JAK2: variants seen among roughly 807,000 people sequenced by gnomAD.
The protein encoded by JAK2 is Janus kinase 2, also known as tyrosine-protein kinase JAK2.
In JAK2, 86 loss-of-function variants were observed where a neutral mutation model predicts 139.3. That is an observed-to-expected ratio of 0.62 (90% CI 0.52 to 0.74). The LOEUF (loss-of-function observed/expected upper bound fraction) is 0.74. Ranked by LOEUF, JAK2 falls within the 30% of genes least tolerant of loss-of-function variation. The pLI is 0.00. For missense variants in JAK2, 1,421 were observed against 1,360.3 expected (o/e 1.04, Z -0.70); for synonymous variants, 490 against 437.7 (o/e 1.12, Z -1.49).
chr9:5,038,291 C>T (rs928683892), intron 4 of JAK2, among the ~76,000 whole-genome samples: 1 of 152,014 alleles, frequency 6.6e-6, no homozygotes, highest in Admixed American at 6.6e-5. Context: ...ATAAAGAAAT[C>T]AAATTAGCAA....
At chr9:5,114,273 C>T in intron 22 of JAK2, 1 of 544,844 alleles carries the variant, frequency 1.8e-6, no homozygotes, top group South Asian at 1.6e-5. Flanking sequence ...GGACCTGGCA[C>T]CCAGCAAGGA....
At position 5,107,624 on chromosome 9, in the gene JAK2, C is replaced by A. The variant is rs190310734; in HGVS notation, c.3060-15380C>A. ...TTTCGATTCATTAGATTATAATAAA[C>A]CATATTTACCAAATGCCCTCTATTT... On this transcript the variant is annotated intron_variant, in intron 22 of 24. Transcript: ENST00000381652. Among the ~76,000 whole-genome samples the A allele has an allele frequency of 4.1e-3, 631 of 152,206 alleles. 5 individuals are homozygous for A. The highest frequency in any genetic ancestry group is 0.015 in the African/African-American group (606 of 41,508).
At chr9:5,082,605 C>T (rs559378405) in intron 19 of JAK2, among the ~76,000 whole-genome samples, 127 of 152,180 alleles carry the variant, frequency 8.3e-4, no homozygotes, top group Non-Finnish European at 1.5e-3. Flanking sequence ...GGCTGGGGGA[C>T]GGTCAGGTCT....
chr9:5,093,456 T>G (rs1175638966), intron 22 of JAK2, among the ~76,000 whole-genome samples: 2 of 152,208 alleles, frequency 1.3e-5, no homozygotes, highest in African/African-American at 4.8e-5. Flanking sequence ...AGGGTTCAGC[T>G]GTCTCTTACG....
At chr9:5,090,424 A>G (rs201526700) in intron 20 of JAK2, 22 bp from the exon 21 acceptor site, 2 of 1,499,466 alleles carry the variant, frequency 1.3e-6, no homozygotes, top group East Asian at 2.3e-5. Context: ...GTAAAACATT[A>G]TTTCCACCTT....
intron 2 of JAK2, among the ~76,000 whole-genome samples, chr9:5,019,059 TG>T (rs1434107068): frequency 6.6e-6 from 1 of 152,204 alleles, no homozygotes; most frequent in Non-Finnish European, 1.5e-5. Flanking sequence ...TTTGTCTTTT[TG>T]GGGATCTCTG....
At chr9:5,020,836 A>G (rs1822372677) in intron 2 of JAK2, among the ~76,000 whole-genome samples, 1 of 151,914 alleles carries the variant, frequency 6.6e-6, no homozygotes, top group Non-Finnish European at 1.5e-5. Flanking sequence ...GTGGGGCTCT[A>G]GGGGTGTGGA....
rs1258825984 is a variant in JAK2 at position 5,080,237 on chromosome 9, G to C, written c.2140G>C (p.Glu714Gln). 6.2e-7 allele frequency: 1 copy of C among 1,610,750 alleles called. No homozygotes were observed. Among genetic ancestry groups the C allele is most frequent in the Admixed American group, 1.7e-5 (1 of 59,608 alleles). The change falls in exon 17 of 25, where the codon GAG (glutamate) becomes CAG (glutamine). Residue 714 changes from glutamate (E) to glutamine (Q), a missense_variant. Physicochemically the swap from Glu to Gln is conservative, Grantham distance 29 (BLOSUM62 2). Transcript: ENST00000381652. ...ITVLPKDILQ[E>Q]RIPWVPPECI... ...TTCGTATCATTTAAAAGTTCTTCAGGAGAGAATACCATGGGTACCACCTGA... is the reference window on the plus strand; with the variant it reads ...TTCGTATCATTTAAAAGTTCTTCAGCAGAGAATACCATGGGTACCACCTGA...
At chr9:5,120,831 T>C (rs1044371964) in intron 22 of JAK2, among the ~76,000 whole-genome samples, 8 of 152,146 alleles carry the variant, frequency 5.3e-5, no homozygotes, top group African/African-American at 9.7e-5. Flanking sequence ...GATTTTCAAA[T>C]TGAGCAGCTA....
At chr9:5,082,353 G>C (rs1052004536) in intron 19 of JAK2, among the ~76,000 whole-genome samples, 4 of 152,232 alleles carry the variant, frequency 2.6e-5, no homozygotes, top group Admixed American at 2.0e-4. Context: ...GCCTGGATGT[G>C]CACATAGGCC....
intron 2 of JAK2, among the ~76,000 whole-genome samples, chr9:5,003,829 T>C (rs925243963): frequency 3.4e-5 from 5 of 148,950 alleles, no homozygotes; most frequent in African/African-American, 1.2e-4. Context: ...GGTATATTGT[T>C]TTTTTACTGT....
At chr9:5,067,885 G>A (rs1051562314) in intron 10 of JAK2, among the ~76,000 whole-genome samples, 1 of 152,126 alleles carries the variant, frequency 6.6e-6, no homozygotes, top group Non-Finnish European at 1.5e-5. Context: ...CAGGTGTGGT[G>A]GCTCACACCT....
At chr9:4,994,826 A>T (rs1206129955) in intron 2 of JAK2, among the ~76,000 whole-genome samples, 1 of 152,188 alleles carries the variant, frequency 6.6e-6, no homozygotes, top group Non-Finnish European at 1.5e-5. Flanking sequence ...AAACTCTCTG[A>T]GAGTTGTCTG....
intron 8 of JAK2, among the ~76,000 whole-genome samples, chr9:5,056,096 C>A (rs1260965854): frequency 6.6e-6 from 1 of 151,974 alleles, no homozygotes; most frequent in African/African-American, 2.4e-5. Flanking sequence ...ATGTAATGCT[C>A]ACCCCTGACT....
intron 2 of JAK2, among the ~76,000 whole-genome samples, chr9:5,017,390 G>A (rs943601761): frequency 5.3e-5 from 8 of 152,194 alleles, no homozygotes; most frequent in African/African-American, 1.9e-4. Flanking sequence ...ACTCCTTAAT[G>A]CTAAGAACTT....
intron 22 of JAK2, among the ~76,000 whole-genome samples, chr9:5,120,083 G>A (rs1168484076): frequency 6.6e-6 from 1 of 152,168 alleles, no homozygotes; most frequent in African/African-American, 2.4e-5. Flanking sequence ...AGGAGTCCAT[G>A]AAAAAAGTGC....
intron 22 of JAK2, chr9:5,110,971 G>T: frequency 1.6e-6 from 1 of 612,936 alleles, no homozygotes; most frequent in East Asian, 4.0e-5. Context: ...CAGTAACCTG[G>T]ACTTCAGCAT....
intron 22 of JAK2, chr9:5,113,920 C>T (rs1054558595): frequency 4.2e-6 from 1 of 240,572 alleles, no homozygotes; most frequent in Non-Finnish European, 8.4e-6. Context: ...TGGACACTTA[C>T]CCCCGACCAT....
rs16922638 is a variant in JAK2, at chr9:5,112,675, C to G, written c.3060-10329C>G. ...AACTCCTTATCCTGCACCAGGCCGT[C>G]TCGGTCATCCTGAATTTGGAGCAGC... is the stretch of plus-strand genomic sequence containing the variant. On this transcript the variant is annotated intron_variant, in intron 22 of 24. Transcript: ENST00000381652. 2,865 of 941,732 alleles carry G rather than the reference C, an allele frequency of 3.0e-3. 60 individuals are homozygous for G. The African/African-American group carries it at 0.044, about 15-fold the overall frequency. 58.3% of individuals were successfully genotyped at this position (941,732 alleles called of 1,614,324 possible).
Sources: gnomAD v4.1 joint callset for allele counts (sites outside exome capture counted in the v4.1 genomes callset) on GRCh38, gnomAD v4.1.1 for gene constraint, MANE v1.5 for transcripts, NCBI Gene and HGNC (gene_info 2026-07-23, HGNC 2026-07-21) for gene names.